SGCZ: variants seen among roughly 807,000 people sequenced by gnomAD.
The protein encoded by SGCZ is sarcoglycan zeta, also known as zeta-sarcoglycan.
A neutral mutation model predicts 41.3 loss-of-function variants in SGCZ; 40 were observed. That is an observed-to-expected ratio of 0.97 (90% CI 0.75 to 1.26). SGCZ has a LOEUF of 1.26. Ranked by LOEUF, SGCZ falls within the 50% of genes most tolerant of loss-of-function variation. The pLI is 0.00. For missense variants in SGCZ, 552 were observed against 369.8 expected, an observed-to-expected ratio of 1.49 and a Z score of -4.04; for synonymous variants, 206 against 137.5, an observed-to-expected ratio of 1.50 and a Z score of -3.49.
At chr8:14,711,598 TAAAAAA>T (rs200467876) in intron 1 of SGCZ, among the ~76,000 whole-genome samples, 13 of 80,294 alleles carry the variant, frequency 1.6e-4, no homozygotes, top group African/African-American at 6.0e-4. Context: ...TGAGACTCTG[TAAAAAA>T]AAAAAAAAAA....
At position 14,671,280 on chromosome 8, in the gene SGCZ, T is replaced by A. The variant is rs187980440; in HGVS notation, c.40-116354A>T. Among the ~76,000 whole-genome samples, 317 of 152,344 alleles carry A rather than the reference T, an allele frequency of 2.1e-3. 1 individual carries two copies. Among genetic ancestry groups the A allele is most frequent in the African/African-American group, 7.5e-3 (311 of 41,574 alleles). ...CTTTTTATGACCTCTACTGGCTGTC[T>A]CTGCTCTGGCATTTCATAATTGGGC... On this transcript the variant is annotated intron_variant, in intron 1 of 7. Coordinates refer to ENST00000382080, the MANE Select transcript of SGCZ (RefSeq NM_139167.4).
intron 3 of SGCZ, among the ~76,000 whole-genome samples, chr8:14,256,205 C>A (rs1292374074): frequency 6.6e-6 from 1 of 151,946 alleles, no homozygotes; most frequent in African/African-American, 2.4e-5. Flanking sequence ...ACCTTGGAGC[C>A]CAGGATTTAC....
At chr8:14,905,518 T>A (rs1050718943) in intron 1 of SGCZ, among the ~76,000 whole-genome samples, 12 of 152,072 alleles carry the variant, frequency 7.9e-5, no homozygotes, top group African/African-American at 2.9e-4. Context: ...CCATCTCCAG[T>A]ATTTGATAAA....
In SGCZ at chr8:14,841,604, G is replaced by A. The variant is rs141207732; in HGVS notation, c.40-286678C>T. 1.5e-3 allele frequency among the ~76,000 whole-genome samples: 227 copies of A among 152,176 alleles called. 2 individuals carry two copies. The highest frequency in any genetic ancestry group is 6.4e-3 in the Admixed American group (98 of 15,288). Reference sequence around the variant, plus strand: ...TACCAGATGAGTAATTTATTTCGGCGTTAAACTAAGGAATACTTGGAATGT... The same window carrying A: ...TACCAGATGAGTAATTTATTTCGGCATTAAACTAAGGAATACTTGGAATGT... On this transcript the variant is annotated intron_variant, in intron 1 of 7. Transcript: ENST00000382080.
chr8:15,130,412 T>A (rs1563141582), intron 1 of SGCZ, among the ~76,000 whole-genome samples: 1 of 151,976 alleles, frequency 6.6e-6, no homozygotes, highest in Admixed American at 6.5e-5. Context: ...GAAATGCAAA[T>A]GAGAAAAATT....
chr8:14,928,443 G>C (rs372954460), intron 1 of SGCZ, among the ~76,000 whole-genome samples: 1 of 152,062 alleles, frequency 6.6e-6, no homozygotes, highest in Admixed American at 6.6e-5. Flanking sequence ...TATAAAACGC[G>C]ATGACAATAT....
At chr8:14,678,443 C>A (rs527562272) in intron 1 of SGCZ, among the ~76,000 whole-genome samples, 4 of 152,156 alleles carry the variant, frequency 2.6e-5, no homozygotes, top group South Asian at 4.1e-4. Flanking sequence ...AGATGCTCCA[C>A]ATTATATATC....
chr8:14,436,483 G>T (rs1268348659), intron 2 of SGCZ, among the ~76,000 whole-genome samples: 1 of 152,146 alleles, frequency 6.6e-6, no homozygotes, highest in Non-Finnish European at 1.5e-5. Context: ...ACACTTTTAA[G>T]GGATTTGTGA....
chr8:15,033,426 T>C (rs1585494530), intron 1 of SGCZ, among the ~76,000 whole-genome samples: 1 of 151,320 alleles, frequency 6.6e-6, no homozygotes, highest in African/African-American at 2.4e-5. Flanking sequence ...TCCATGCCTA[T>C]TCCAGAACCA....
chr8:14,391,793 G>A (rs1407371347), intron 2 of SGCZ, among the ~76,000 whole-genome samples: 1 of 152,078 alleles, frequency 6.6e-6, no homozygotes, highest in East Asian at 1.9e-4. Flanking sequence ...ATTTCTTCAG[G>A]TTGTACAGGA....
intron 2 of SGCZ, among the ~76,000 whole-genome samples, chr8:14,433,703 C>T (rs976754860): frequency 8.5e-5 from 13 of 152,138 alleles, no homozygotes; most frequent in African/African-American, 3.1e-4. Context: ...TAAACACGCT[C>T]TCTGAGGGTG....
chr8:14,682,925 G>C (rs1422809401), intron 1 of SGCZ, among the ~76,000 whole-genome samples: 2 of 152,164 alleles, frequency 1.3e-5, no homozygotes, highest in Non-Finnish European at 2.9e-5. Flanking sequence ...TTTGCCGGCA[G>C]ATGGTGAAAG....
intron 4 of SGCZ, among the ~76,000 whole-genome samples, chr8:14,225,407 T>G (rs556101574): frequency 6.6e-6 from 1 of 152,202 alleles, no homozygotes; most frequent in Non-Finnish European, 1.5e-5. Flanking sequence ...GAAAATACAC[T>G]TAGGTACCAC....
chr8:14,433,343 G>C lies in SGCZ; in HGVS notation c.235-109139C>G, dbSNP rs1040850778. On this transcript the variant is annotated intron_variant, in intron 2 of 7. Coordinates refer to ENST00000382080, the MANE Select transcript of SGCZ (RefSeq NM_139167.4). Reference sequence around the variant, plus strand: ...TGTCCACTCTGTGCTAGATATTAGTGATATACGGATAATTAAGATACTTTG... The same window carrying C: ...TGTCCACTCTGTGCTAGATATTAGTCATATACGGATAATTAAGATACTTTG... 4.6e-5 allele frequency among the ~76,000 whole-genome samples: 7 copies of C among 152,274 alleles called. 1 individual carries two copies. Among genetic ancestry groups the C allele is most frequent in the Admixed American group, 4.6e-4 (7 of 15,294 alleles).
At chr8:14,781,656 A>C (rs1278817048) in intron 1 of SGCZ, among the ~76,000 whole-genome samples, 1 of 152,212 alleles carries the variant, frequency 6.6e-6, no homozygotes, top group Non-Finnish European at 1.5e-5. Context: ...TAGTTGCTAC[A>C]TATAGACGTT....
intron 1 of SGCZ, among the ~76,000 whole-genome samples, chr8:14,885,839 G>A (rs1804767487): frequency 6.6e-6 from 1 of 151,534 alleles, no homozygotes; most frequent in African/African-American, 2.4e-5. Context: ...ATAAAAAGAA[G>A]TGCAACTCAC....
intron 1 of SGCZ, among the ~76,000 whole-genome samples, chr8:14,680,431 C>T (rs1808405066): frequency 6.6e-6 from 1 of 152,048 alleles, no homozygotes; most frequent in Non-Finnish European, 1.5e-5. Context: ...AATGGGGAAA[C>T]TATGTATGCA....
chr8:14,347,262 T>A (rs1802920765), intron 2 of SGCZ, among the ~76,000 whole-genome samples: 1 of 152,126 alleles, frequency 6.6e-6, no homozygotes, highest in South Asian at 2.1e-4. Context: ...CTGGCAGAAT[T>A]CCTACACTGA....
At chr8:14,470,132 G>A (rs866848683) in intron 2 of SGCZ, among the ~76,000 whole-genome samples, 1 of 152,052 alleles carries the variant, frequency 6.6e-6, no homozygotes, top group Non-Finnish European at 1.5e-5. Context: ...CAGGTAGACA[G>A]CATCAGAACT....
Sources: allele counts gnomAD v4.1 joint callset (sites outside exome capture counted in the v4.1 genomes callset), GRCh38; gene constraint gnomAD v4.1.1; transcripts MANE v1.5; gene names NCBI Gene and HGNC (gene_info 2026-07-23, HGNC 2026-07-21).